The following NTRK1 variants were observed in gnomAD, a reference collection of about 807,000 sequenced individuals.
The protein encoded by NTRK1 is high affinity nerve growth factor receptor.
Under a neutral mutation model 86.8 loss-of-function variants are expected in NTRK1, and 62 were observed. The ratio of observed to expected loss-of-function variants is 0.71; its 90% CI spans 0.58 to 0.88. NTRK1 has a LOEUF of 0.88. NTRK1 is among the 40% of genes least tolerant of loss of function. NTRK1 has a pLI of 0.00. For missense variants in NTRK1, 967 were observed against 1,078.4 expected (o/e 0.90, Z 1.45); for synonymous variants, 469 against 456.6 (o/e 1.03, Z -0.35).
chr1:156,820,535 C>T (rs917256135), intron 1 of NTRK1, among the ~76,000 whole-genome samples: 5 of 152,206 alleles, frequency 3.3e-5, no homozygotes, highest in African/African-American at 1.2e-4. Context: ...GCGTGAGCCA[C>T]CACATCCAGC....
chr1:156,828,709 G>A (rs1382394173), intron 1 of NTRK1, among the ~76,000 whole-genome samples: 2 of 152,234 alleles, frequency 1.3e-5, no homozygotes, highest in African/African-American at 4.8e-5. Context: ...AGTGGTGGGG[G>A]TCAGGGTCTT....
At chr1:156,849,488 G>GC in intron 2 of NTRK1, 1 of 1,480,262 alleles carries the variant, frequency 6.8e-7, no homozygotes, top group Non-Finnish European at 9.4e-7. Context: ...ACCTTGCTCT[G>GC]CGGGGAGGTG....
At chr1:156,851,590 T>A in intron 2 of NTRK1, 1 of 1,612,904 alleles carries the variant, frequency 6.2e-7, no homozygotes. Context: ...AAGGGTTGTG[T>A]CTGGGAGGAA....
At position 156,879,164 on chromosome 1, in the gene NTRK1, T is replaced by C. The variant is rs2102924257; in HGVS notation, c.1848T>C (p.Asp616=). 6.2e-7 allele frequency: 1 copy of C among 1,613,778 alleles called. No individual in the cohort carries two copies. The highest frequency in any genetic ancestry group is 8.5e-7 in the Non-Finnish European group (1 of 1,179,842). ...CCAAGCTGCTGGCTGGTGGGGAGGATGTGGCTCCAGGCCCCCTGGGTCTGG... is the reference window on the plus strand; with the variant it reads ...CCAAGCTGCTGGCTGGTGGGGAGGACGTGGCTCCAGGCCCCCTGGGTCTGG... ...PDAKLLAGGE[D]VAPGPLGLGQ... The change falls in exon 15 of 17, where the codon GAT becomes GAC. Residue 616 remains aspartate, a synonymous_variant. Coordinates refer to ENST00000524377, the MANE Select transcript of NTRK1 (RefSeq NM_002529.4).
Position 156,843,112 on chromosome 1 carries a change from C to T in NTRK1, c.50+919C>T, listed in dbSNP as rs1489691784. On this transcript the variant is annotated intron_variant, in intron 2 of 16. Transcript: ENST00000392302. ...CCGTCTTCAGGGCCACGGGTGTGGA[C>T]TCCTCTCCAGCCTCAAGTCCTCGTG... 3.1e-6 allele frequency: 5 copies of T among 1,614,164 alleles called. 1 individual carries two copies. The East Asian group carries it at 1.1e-4, about 36-fold the overall frequency.
At chr1:156,844,914 A>G in intron 2 of NTRK1, 1 of 1,595,736 alleles carries the variant, frequency 6.3e-7, no homozygotes, top group Non-Finnish European at 8.6e-7. Flanking sequence ...CCCAAGCTAA[A>G]CTGGGCTGAG....
intron 2 of NTRK1, chr1:156,845,072 C>T: frequency 1.9e-6 from 3 of 1,602,786 alleles, no homozygotes; most frequent in Non-Finnish European, 2.6e-6. Context: ...TGTGGATCAC[C>T]TACTGTGGGG....
chr1:156,867,941 A>G (rs1331631275), intron 4 of NTRK1, among the ~76,000 whole-genome samples, 163 bp from the exon 5 acceptor site: 1 of 152,124 alleles, frequency 6.6e-6, no homozygotes, highest in Admixed American at 6.5e-5. Flanking sequence ...CCAATGGCCT[A>G]TTTCTTTGAA....
chr1:156,876,314 G>C (rs1647902240), intron 13 of NTRK1, 86 bp from the exon 14 acceptor site: 2 of 1,609,788 alleles, frequency 1.2e-6, no homozygotes, highest in Non-Finnish European at 1.7e-6. Context: ...GACATGGCTG[G>C]ATACCGGGGT....
chr1:156,844,917 G>A lies in NTRK1; in HGVS notation c.50+2724G>A, dbSNP rs78462811. 2.3e-4 allele frequency: 365 copies of A among 1,590,796 alleles called. 2 individuals are homozygous for A. In the African/African-American group the frequency reaches 4.5e-3, roughly 20 times the overall value. ...CTTATGTTCAAACCCAAGCTAAACT[G>A]GGCTGAGCTGGGAGGTGGGGAAAGC... On this transcript the variant is annotated intron_variant, in intron 2 of 16. Coordinates refer to the NTRK1 transcript ENST00000392302.
chr1:156,852,956 A>G (rs1412325774), intron 2 of NTRK1, among the ~76,000 whole-genome samples: 3 of 151,860 alleles, frequency 2.0e-5, no homozygotes, highest in African/African-American at 7.3e-5. Context: ...GCTGAGTGGA[A>G]AAGACCACCA....
intron 14 of NTRK1, 107 bp from the exon 15 acceptor site, chr1:156,879,015 G>T (rs1648084305): frequency 1.5e-6 from 2 of 1,310,358 alleles, no homozygotes; most frequent in Non-Finnish European, 2.1e-6. Context: ...CCACTTCCAG[G>T]TCCCCAGTCT....
rs545266717 is a variant in NTRK1 at position 156,844,971 on chromosome 1, A to G, written c.50+2778A>G. The G allele has an allele frequency of 8.4e-6, 13 of 1,539,678 alleles. No homozygotes were observed. The East Asian group carries it at 2.5e-4, about 30-fold the overall frequency. On this transcript the variant is annotated intron_variant, in intron 2 of 16. Coordinates refer to the NTRK1 transcript ENST00000392302. ...GGGATTATGGGAACTGAGAGGGGCA[A>G]GCAAAGCGAGGCTCTGGGGTTAGCG...
chr1:156,864,434 G>A lies in NTRK1; in HGVS notation c.287+6G>A. 6.2e-7 allele frequency: 1 copy of A among 1,613,776 alleles called. No homozygotes were observed. Among genetic ancestry groups the A allele is most frequent in the Non-Finnish European group, 8.5e-7 (1 of 1,179,750 alleles). On this transcript the variant is annotated splice_donor_region_variant and intron_variant, in intron 2 of 16. Transcript: ENST00000524377. ...CTGGGGGAGCTGAGAAACCTGTGAG[G>A]GAAACGGGGACTGTGGGTGTGGAGC... is the stretch of plus-strand genomic sequence containing the variant.
At chr1:156,829,087 G>A (rs1480578717) in intron 1 of NTRK1, among the ~76,000 whole-genome samples, 2 of 152,148 alleles carry the variant, frequency 1.3e-5, no homozygotes, top group Non-Finnish European at 2.9e-5. Flanking sequence ...TTATTCTGGC[G>A]GGGGAGAGAG....
chr1:156,841,048 G>T (rs779655008), intron 1 of NTRK1: 41 of 1,593,048 alleles, frequency 2.6e-5, no homozygotes, highest in Non-Finnish European at 3.2e-5. Flanking sequence ...CAGAATGTGT[G>T]TGAAAGATGG....
chr1:156,852,647 C>G (rs1006962992), intron 2 of NTRK1, among the ~76,000 whole-genome samples: 6 of 152,232 alleles, frequency 3.9e-5, no homozygotes, highest in African/African-American at 1.4e-4. Flanking sequence ...CCGCCCCCAC[C>G]TCAGCTCCCT....
intron 7 of NTRK1, among the ~76,000 whole-genome samples, chr1:156,872,821 G>A (rs572277746): frequency 1.6e-4 from 25 of 151,756 alleles, no homozygotes; most frequent in Middle Eastern, 3.4e-3. Flanking sequence ...GACTACAGGC[G>A]CCCTCCACCA....
rs1655353195 is a variant in NTRK1, at chr1:156,854,874, A to AC, written c.51-9474dup. ...GGATCACGTTTCTCCTCTGCTTATAACCCCCCGTGACTTCCATCTCTCTTG... is the reference window on the plus strand; with the variant it reads ...GGATCACGTTTCTCCTCTGCTTATAACCCCCCCGTGACTTCCATCTCTCTTG... On this transcript the variant is annotated intron_variant, in intron 2 of 16. Transcript: ENST00000392302. This position sits in a 1 kb window ranked among gnomAD's most constrained non-coding sequence, Gnocchi z 4.2. 1.3e-5 allele frequency among the ~76,000 whole-genome samples: 2 copies of AC among 151,342 alleles called. No homozygotes were observed. Among genetic ancestry groups the AC allele is most frequent in the African/African-American group, 4.9e-5 (2 of 41,166 alleles).
Sources: allele counts gnomAD v4.1 joint callset (sites outside exome capture counted in the v4.1 genomes callset), GRCh38; gene constraint gnomAD v4.1.1; non-coding constraint Gnocchi (gnomAD v3.1); transcripts MANE v1.5; gene names NCBI Gene and HGNC (gene_info 2026-07-23, HGNC 2026-07-21).